TOPAZ1: variants seen among roughly 807,000 people sequenced by gnomAD.
The protein encoded by TOPAZ1 is testis and ovary specific TOPAZ 1, also known as protein TOPAZ1.
In TOPAZ1, 66 loss-of-function variants were observed where a neutral mutation model predicts 172.2. The observed-to-expected ratio is 0.38, with a 90% CI of 0.31 to 0.47. The LOEUF is 0.47. Ranked by LOEUF, TOPAZ1 falls within the 20% of genes least tolerant of loss-of-function variation. The probability of loss-of-function intolerance (pLI) is 0.99; values close to 1 mark genes in which losing one functional copy is unlikely to be tolerated. For synonymous variants in TOPAZ1, 681 were observed against 683.9 expected, an observed-to-expected ratio of 1.00 and a Z score of 0.07; for missense variants, 1,822 against 1,972.4, an observed-to-expected ratio of 0.92 and a Z score of 1.44.
chr3:44,287,561 T>A (rs1700093993), intron 10 of TOPAZ1, 21 bp downstream of exon 10: 6 of 1,394,830 alleles, frequency 4.3e-6, no homozygotes, highest in Non-Finnish European at 5.7e-6. Context: ...TGAAAATATA[T>A]GTTATTTTAA....
intron 7 of TOPAZ1, 71 bp downstream of exon 7, chr3:44,269,372 C>A: frequency 1.2e-6 from 1 of 852,808 alleles, no homozygotes; most frequent in Non-Finnish European, 1.9e-6. Flanking sequence ...CTCCTCCCTC[C>A]TCTTCCTCAC....
chr3:44,287,558 A>G lies in TOPAZ1; in HGVS notation c.3588+18A>G, dbSNP rs1358858909. ...AAATGCTGGTAAGTAGCCTGAAAAT[A>G]TATGTTATTTTAATATTTTATGTTA... is the stretch of plus-strand genomic sequence containing the variant. On this transcript the variant is annotated intron_variant, in intron 10 of 19. Coordinates refer to ENST00000309765, the MANE Select transcript of TOPAZ1 (RefSeq NM_001145030.2). The G allele has an allele frequency of 7.1e-6, 10 of 1,416,250 alleles. No homozygotes were observed. Among genetic ancestry groups the G allele is most frequent in the Non-Finnish European group, 8.4e-6 (9 of 1,071,138 alleles). 87.7% of individuals were successfully genotyped at this position (1,416,250 alleles called of 1,614,324 possible).
chr3:44,321,220 A>G (rs1559548839), intron 17 of TOPAZ1, 29 bp downstream of exon 17: 1 of 1,493,642 alleles, frequency 6.7e-7, no homozygotes, highest in Non-Finnish European at 9.0e-7. Context: ...TATCTTAATT[A>G]TCTCTTGCCC....
chr3:44,325,082 G>A (rs191813514), intron 18 of TOPAZ1, among the ~76,000 whole-genome samples: 48 of 152,262 alleles, frequency 3.2e-4, no homozygotes, highest in Admixed American at 8.5e-4. Context: ...AGCCAAGTGA[G>A]TAATTTATAG....
intron 2 of TOPAZ1, among the ~76,000 whole-genome samples, chr3:44,254,336 A>G (rs553200877): frequency 6.6e-6 from 1 of 152,268 alleles, no homozygotes; most frequent in South Asian, 2.1e-4. Flanking sequence ...CATGCTTAAC[A>G]GTAGAAGTTG....
Position 44,287,773 on chromosome 3 carries a change from A to G in TOPAZ1, c.3615A>G (p.Ile1205Met). 6.6e-7 allele frequency: 1 copy of G among 1,504,556 alleles called. No individual in the cohort carries two copies. Among genetic ancestry groups the G allele is most frequent in the Non-Finnish European group, 9.0e-7 (1 of 1,116,582 alleles). 93.2% of individuals were successfully genotyped at this position (1,504,556 alleles called of 1,614,324 possible). A position where few individuals can be genotyped will look rare whatever the true frequency, so the allele number is the denominator to read the frequency against. ...MLPSLKILLN[I>M]FEYVATMKLR... Reference sequence around the variant, plus strand: ...CTTCTCTGAAAATATTACTAAACATATTTGAGTATGTGGCAACTATGAAAT... The same window carrying G: ...CTTCTCTGAAAATATTACTAAACATGTTTGAGTATGTGGCAACTATGAAAT... Residue 1205 changes from isoleucine (I) to methionine (M), a missense_variant, in exon 11 of 20, where the codon ATA (isoleucine) becomes ATG (methionine). By Grantham distance (10) the Ile-to-Met change is conservative (BLOSUM62 1). This residue lies in a region of TOPAZ1 where 1,489 missense variants were observed against 1,490.8 expected (regional missense o/e 1.00). Transcript: ENST00000309765.
chr3:44,262,352 G>A, intron 4 of TOPAZ1, 67 bp from the exon 5 acceptor site: 1 of 720,820 alleles, frequency 1.4e-6, no homozygotes. Context: ...AATCCAGTAA[G>A]CCTCATAGCT....
rs1367464531 is a variant in TOPAZ1, at chr3:44,323,214, A to G, written c.4594A>G (p.Ile1532Val). Residue 1532 changes from isoleucine (I) to valine (V), a missense_variant, in exon 18 of 20, where the codon ATT becomes GTT. This residue lies in a region of TOPAZ1 where 333 missense variants were observed against 481.7 expected (regional missense o/e 0.69). Coordinates refer to ENST00000309765, the MANE Select transcript of TOPAZ1 (RefSeq NM_001145030.2). ...AEFMISKSIPIDFSFLRRLIT... is the reference protein window; with the variant it reads ...AEFMISKSIPVDFSFLRRLIT... ...ATTCATGATTTCAAAGAGCATCCCT[A>G]TTGATTTTTCCTTTCTCAGAAGATT... is the stretch of plus-strand genomic sequence containing the variant. 1.3e-6 allele frequency: 2 copies of G among 1,550,512 alleles called. No individual in the cohort carries two copies. Among genetic ancestry groups the G allele is most frequent in the Admixed American group, 3.9e-5 (2 of 50,956 alleles).
intron 19 of TOPAZ1, among the ~76,000 whole-genome samples, chr3:44,331,107 G>T (rs754256647): frequency 9.9e-5 from 15 of 152,148 alleles, no homozygotes; most frequent in Admixed American, 9.2e-4. Flanking sequence ...GCATTCTCAT[G>T]AATAATTGTA....
intron 9 of TOPAZ1, among the ~76,000 whole-genome samples, chr3:44,283,772 C>G (rs11707311): frequency 0.16 from 23,716 of 152,138 alleles, 2,440 homozygotes; most frequent in African/African-American, 0.29. Flanking sequence ...TACACGCACA[C>G]ACATTTTTCC....
In TOPAZ1 at chr3:44,282,124, T is replaced by C. The variant is rs1039463691; in HGVS notation, c.3436+93T>C. ...TTCAATAATTTGTAAGTTTGAAAAC[T>C]GAATGCCTTACCCAAGAGTAGCTCT... On this transcript the variant is annotated intron_variant, in intron 9 of 19. Coordinates refer to ENST00000309765, the MANE Select transcript of TOPAZ1 (RefSeq NM_001145030.2). 17 of 809,428 alleles carry C rather than the reference T, an allele frequency of 2.1e-5. No homozygotes were observed. In the African/African-American group the frequency reaches 2.6e-4, roughly 12 times the overall value. The allele number at this position is 809,428 out of a possible 1,614,324, so 50.1% of individuals were successfully genotyped here. A position where few individuals can be genotyped will look rare whatever the true frequency, so the allele number is the denominator to read the frequency against.
intron 12 of TOPAZ1, among the ~76,000 whole-genome samples, chr3:44,299,617 A>T (rs1700245119): frequency 6.6e-6 from 1 of 152,198 alleles, no homozygotes; most frequent in Non-Finnish European, 1.5e-5. Context: ...TACCGAAAGG[A>T]CTACAAATCA....
chr3:44,300,355 T>G (rs1700256948), intron 12 of TOPAZ1, among the ~76,000 whole-genome samples: 1 of 151,842 alleles, frequency 6.6e-6, no homozygotes, highest in South Asian at 2.1e-4. Flanking sequence ...GAGAATCACT[T>G]GAACCCAGGT....
Position 44,243,224 on chromosome 3 carries a change from G to T in TOPAZ1, c.718G>T (p.Asp240Tyr). 1 of 1,549,944 alleles carries T rather than the reference G, an allele frequency of 6.5e-7. No homozygotes were observed. The highest frequency in any genetic ancestry group is 2.4e-5 in the East Asian group (1 of 40,896). ...TTTCCCCCATTCCAAGGGTTGTAATGATGAAAACAACCTGCCATATAAACC... is the reference window on the plus strand; with the variant it reads ...TTTCCCCCATTCCAAGGGTTGTAATTATGAAAACAACCTGCCATATAAACC... ...NCFPHSKGCN[D>Y]ENNLPYKPDG... Residue 240 changes from aspartate to tyrosine, a missense_variant, in exon 2 of 20, where the codon GAT becomes TAT. Asp to Tyr is a radical substitution (Grantham distance 160, BLOSUM62 -3). Coordinates refer to ENST00000309765, the MANE Select transcript of TOPAZ1 (RefSeq NM_001145030.2).
chr3:44,272,177 G>A lies in TOPAZ1; in HGVS notation c.3372+1367G>A, dbSNP rs2125687333. Among the ~76,000 whole-genome samples the A allele has an allele frequency of 1.3e-5, 2 of 152,260 alleles. 1 individual carries two copies. The highest frequency in any genetic ancestry group is 6.8e-3 in the Middle Eastern group (2 of 294). ...GACACTTAGGTTGATTCCATACCTT[G>A]GCTATTGTGAATAGTGCTGCAATGA... On this transcript the variant is annotated intron_variant, in intron 8 of 19. Coordinates refer to ENST00000309765, the MANE Select transcript of TOPAZ1 (RefSeq NM_001145030.2).
intron 12 of TOPAZ1, among the ~76,000 whole-genome samples, chr3:44,292,249 C>T (rs1700145878): frequency 6.6e-6 from 1 of 152,016 alleles, no homozygotes; most frequent in African/African-American, 2.4e-5. Flanking sequence ...AAAATTGTAA[C>T]ACTGTTTAGG....
intron 18 of TOPAZ1, among the ~76,000 whole-genome samples, chr3:44,326,787 T>C (rs959621789): frequency 7.2e-5 from 11 of 152,210 alleles, no homozygotes; most frequent in Admixed American, 5.2e-4. Context: ...GAGATGTTAT[T>C]AGTGTATCTT....
Position 44,287,916 on chromosome 3 carries a change from T to C in TOPAZ1, c.3681+77T>C, listed in dbSNP as rs540631580. ...AATTGTTTCCATGGGGGGGTACCCTTGAGCTGCCTTTTATTCACATTCTGG... is the reference window on the plus strand; with the variant it reads ...AATTGTTTCCATGGGGGGGTACCCTCGAGCTGCCTTTTATTCACATTCTGG... On this transcript the variant is annotated intron_variant, in intron 11 of 19. Transcript: ENST00000309765. The C allele has an allele frequency of 5.8e-6, 4 of 686,112 alleles. 1 individual carries two copies. The African/African-American group carries it at 7.6e-5, about 13-fold the overall frequency. 42.5% of individuals were successfully genotyped at this position (686,112 alleles called of 1,614,324 possible).
rs1222991875 is a variant in TOPAZ1, at chr3:44,245,220, A to T, written c.2714A>T (p.Asp905Val). Residue 905 changes from aspartate to valine, a missense_variant, in exon 2 of 20, where the codon GAC (aspartate) becomes GTC (valine). Physicochemically the swap from Asp to Val is radical, Grantham distance 152 (BLOSUM62 -3). Coordinates refer to ENST00000309765, the MANE Select transcript of TOPAZ1 (RefSeq NM_001145030.2). The part of the protein sequence containing the change: ...PNVAGEHQST[D>V]SKYMETPVKK... The stretch of plus-strand genomic sequence containing the variant: ...GTTGCTGGAGAGCACCAATCAACAG[A>T]CTCCAAGTACATGGAAACTCCAGTA... 6.5e-7 allele frequency: 1 copy of T among 1,546,258 alleles called. No homozygotes were observed. Among genetic ancestry groups the T allele is most frequent in the Admixed American group, 2.0e-5 (1 of 49,566 alleles).
Sources: gnomAD v4.1 joint callset for allele counts (sites outside exome capture counted in the v4.1 genomes callset) on GRCh38, gnomAD v4.1.1 for gene constraint, gnomAD v4.1.1 regional missense constraint, MANE v1.5 for transcripts, NCBI Gene and HGNC (gene_info 2026-07-23, HGNC 2026-07-21) for gene names.